The following PTPRD variants were observed in gnomAD, a reference collection of about 807,000 sequenced individuals.
The protein encoded by PTPRD is protein tyrosine phosphatase receptor type D, also known as receptor-type tyrosine-protein phosphatase delta.
Under a neutral mutation model 214.5 loss-of-function variants are expected in PTPRD, and 34 were observed. That is an observed-to-expected ratio of 0.16 (90% CI 0.12 to 0.21). The LOEUF (loss-of-function observed/expected upper bound fraction) is 0.21. Among genes scored for constraint, PTPRD ranks in the 10% least tolerant of loss-of-function variants. The pLI is 1.00. For synonymous variants in PTPRD, 1,128 were observed against 845.7 expected (o/e 1.33, Z -5.79); for missense variants, 2,545 against 2,398.7 (o/e 1.06, Z -1.27).
At chr9:9,169,880 T>C (rs1359220122) in intron 10 of PTPRD, among the ~76,000 whole-genome samples, 3 of 152,154 alleles carry the variant, frequency 2.0e-5, no homozygotes, top group Non-Finnish European at 4.4e-5. Flanking sequence ...TGATGTTTCA[T>C]TACAAATACT....
chr9:9,785,051 G>C (rs2098910583), intron 5 of PTPRD, among the ~76,000 whole-genome samples: 1 of 151,364 alleles, frequency 6.6e-6, no homozygotes, highest in Non-Finnish European at 1.5e-5. Flanking sequence ...CCTAGCTAGA[G>C]TCTTTAGAAA....
chr9:10,424,536 G>A (rs1041367453), intron 2 of PTPRD, among the ~76,000 whole-genome samples: 2 of 151,902 alleles, frequency 1.3e-5, no homozygotes, highest in Admixed American at 1.3e-4. Flanking sequence ...ACAGGGGAAA[G>A]TATCATGTGG....
intron 7 of PTPRD, among the ~76,000 whole-genome samples, chr9:9,599,589 T>C (rs2093609357): frequency 6.6e-6 from 1 of 152,088 alleles, no homozygotes; most frequent in Non-Finnish European, 1.5e-5. Context: ...CATATATTTA[T>C]CTTTATCTTT....
rs1176394314 is a variant in PTPRD, at chr9:9,580,547, C to CTTTTT, written c.-286-5771_-286-5767dup. 3.6e-4 allele frequency among the ~76,000 whole-genome samples: 44 copies of CTTTTT among 123,086 alleles called. 2 individuals carry two copies. The highest frequency in any genetic ancestry group is 5.7e-4 in the Non-Finnish European group (34 of 59,306). The allele number at this position is 123,086 out of a possible 152,430, so 80.7% of individuals were successfully genotyped here. Reference sequence around the variant, plus strand: ...TCATGTCCTTAGCTTACTTTATTTTCTTTTTTTTTTTTTTTTTTTGAGACA... The same window carrying CTTTTT: ...TCATGTCCTTAGCTTACTTTATTTTCTTTTTTTTTTTTTTTTTTTTTTTTGAGACA... On this transcript the variant is annotated intron_variant, in intron 7 of 45. Transcript: ENST00000381196.
chr9:10,342,522 C>G (rs1444444778), intron 2 of PTPRD, among the ~76,000 whole-genome samples: 1 of 151,992 alleles, frequency 6.6e-6, no homozygotes, highest in Non-Finnish European at 1.5e-5. Flanking sequence ...TAATTATACA[C>G]TAGAAAACAC....
At chr9:9,600,138 G>GA (rs981223173) in intron 7 of PTPRD, among the ~76,000 whole-genome samples, 2 of 152,002 alleles carry the variant, frequency 1.3e-5, no homozygotes, top group African/African-American at 4.8e-5. Flanking sequence ...TAATTTGGGG[G>GA]AAAATGACAC....
At chr9:10,002,245 C>A (rs2096339498) in intron 4 of PTPRD, among the ~76,000 whole-genome samples, 2 of 146,906 alleles carry the variant, frequency 1.4e-5, no homozygotes, top group South Asian at 4.3e-4. Context: ...ATTAAAGAAA[C>A]ATAGGAACAA....
intron 5 of PTPRD, among the ~76,000 whole-genome samples, chr9:9,926,683 A>G (rs1377965374): frequency 6.6e-6 from 1 of 152,196 alleles, no homozygotes; most frequent in African/African-American, 2.4e-5. Flanking sequence ...GTTGAAAGCT[A>G]AAGCCAAAAT....
At chr9:8,817,044 C>G (rs144719578) in intron 11 of PTPRD, among the ~76,000 whole-genome samples, 120 of 152,256 alleles carry the variant, frequency 7.9e-4, no homozygotes, top group Non-Finnish European at 1.4e-3. Context: ...CAATATGAAC[C>G]CCTTTGATTA....
At chr9:8,993,726 A>G (rs1241626496) in intron 11 of PTPRD, among the ~76,000 whole-genome samples, 3 of 152,108 alleles carry the variant, frequency 2.0e-5, no homozygotes, top group Non-Finnish European at 4.4e-5. Context: ...TGCTTTATTC[A>G]TGCAAGTCCT....
rs987265326 is a variant in PTPRD at position 8,316,913 on chromosome 9, T to G, written c.*961A>C. ...AAGAACTGACTGACTGATAACTGTA[T>G]CTATTTTTTGTGTGGACACACTGTC... On this transcript the variant is annotated 3_prime_UTR_variant, in exon 46 of 46. Coordinates refer to ENST00000381196, the MANE Select transcript of PTPRD (RefSeq NM_002839.4). The G allele has an allele frequency of 4.4e-6, 1 of 227,260 alleles. No homozygotes were observed. Among genetic ancestry groups the G allele is most frequent in the East Asian group, 6.4e-5 (1 of 15,684 alleles). 14.1% of individuals were successfully genotyped at this position (227,260 alleles called of 1,614,324 possible). A position where few individuals can be genotyped will look rare whatever the true frequency, so the allele number is the denominator to read the frequency against.
At chr9:8,331,759 C>G (rs779218913) in intron 43 of PTPRD, 23 bp from the exon 44 acceptor site, 1 of 1,551,720 alleles carries the variant, frequency 6.4e-7, no homozygotes, top group East Asian at 2.3e-5. Context: ...AGCCACATAC[C>G]CGGCCGCAAA....
At chr9:9,093,201 T>A (rs1019816661) in intron 10 of PTPRD, among the ~76,000 whole-genome samples, 1 of 151,954 alleles carries the variant, frequency 6.6e-6, no homozygotes, top group African/African-American at 2.4e-5. Flanking sequence ...CTAATAGAAC[T>A]AAAAGGAGAA....
intron 11 of PTPRD, among the ~76,000 whole-genome samples, chr9:8,833,749 A>T (rs1411574701): frequency 7.6e-6 from 1 of 131,130 alleles, no homozygotes; most frequent in Non-Finnish European, 1.6e-5. Flanking sequence ...CACACACACG[A>T]TTCTATATAT....
At chr9:9,741,663 T>C (rs930918443) in intron 6 of PTPRD, among the ~76,000 whole-genome samples, 1 of 152,184 alleles carries the variant, frequency 6.6e-6, no homozygotes, top group Non-Finnish European at 1.5e-5. Context: ...CGTTGGTGTA[T>C]TCTCATTGTT....
intron 3 of PTPRD, among the ~76,000 whole-genome samples, chr9:10,256,982 T>G (rs2154372919): frequency 6.6e-6 from 1 of 152,318 alleles, no homozygotes; most frequent in Admixed American, 6.5e-5. Context: ...ATACTCTATA[T>G]ATCAATACAT....
chr9:9,170,795 C>A (rs1203380717), intron 10 of PTPRD, among the ~76,000 whole-genome samples: 1 of 152,178 alleles, frequency 6.6e-6, no homozygotes, highest in Non-Finnish European at 1.5e-5. Flanking sequence ...GTTGAGAATT[C>A]ATCATTTGTC....
chr9:10,118,376 T>C (rs999884607), intron 3 of PTPRD, among the ~76,000 whole-genome samples: 1 of 151,642 alleles, frequency 6.6e-6, no homozygotes, highest in African/African-American at 2.4e-5. Flanking sequence ...AAAGAAATAA[T>C]ATATGCTTAA....
At chr9:8,577,300 G>T (rs546773441) in intron 14 of PTPRD, among the ~76,000 whole-genome samples, 1 of 152,150 alleles carries the variant, frequency 6.6e-6, no homozygotes, top group East Asian at 1.9e-4. Context: ...TGTTGCCCAG[G>T]CTGGAGTACA....
Sources: gnomAD v4.1 joint callset for allele counts (sites outside exome capture counted in the v4.1 genomes callset) on GRCh38, gnomAD v4.1.1 for gene constraint, MANE v1.5 for transcripts, NCBI Gene and HGNC (gene_info 2026-07-23, HGNC 2026-07-21) for gene names.